Variants in ZNF429 observed in about 807,000 individuals in gnomAD.
ZNF429 encodes zinc finger protein 429.
A neutral mutation model predicts 56.8 loss-of-function variants in ZNF429; 53 were observed. That is an observed-to-expected ratio of 0.93 (90% CI 0.75 to 1.17). The LOEUF is 1.17. ZNF429 is among the 50% of genes most tolerant of loss of function. The probability of loss-of-function intolerance (pLI) is 0.00; values close to 1 mark genes in which losing one functional copy is unlikely to be tolerated. For synonymous variants in ZNF429, 278 were observed against 264.7 expected, an observed-to-expected ratio of 1.05 and a Z score of -0.49; for missense variants, 849 against 788.4, an observed-to-expected ratio of 1.08 and a Z score of -0.92.
chr19:21,525,749 C>T (rs1457901604), intron 1 of ZNF429, among the ~76,000 whole-genome samples: 1 of 77,394 alleles, frequency 1.3e-5, no homozygotes, highest in Non-Finnish European at 3.0e-5. Context: ...TAAATATAAA[C>T]ACAATAAAAA....
Position 21,537,771 on chromosome 19 carries a change from C to A in ZNF429, c.1718C>A (p.Ala573Asp), listed in dbSNP as rs751212978. Residue 573 changes from alanine to aspartate, a missense_variant, in exon 4 of 4, where the codon GCT becomes GAT. Ala to Asp is a moderately radical substitution (Grantham distance 126). Coordinates refer to ENST00000358491, the MANE Select transcript of ZNF429 (RefSeq NM_001001415.4). The part of the protein sequence containing the change: ...KPYKCKQCDK[A>D]FTHSSNLSSH... Reference sequence around the variant, plus strand: ...TACAAATGTAAACAATGTGACAAAGCTTTTACCCACTCCTCAAACCTTAGT... The same window carrying A: ...TACAAATGTAAACAATGTGACAAAGATTTTACCCACTCCTCAAACCTTAGT... The A allele has an allele frequency of 1.9e-6, 3 of 1,613,390 alleles. No individual in the cohort carries two copies. The Admixed American group carries it at 5.0e-5, about 27-fold the overall frequency.
chr19:21,529,757 G>A lies in ZNF429; in HGVS notation c.103G>A (p.Glu35Lys). The change falls in exon 2 of 4, where the codon GAG becomes AAG. Residue 35 changes from glutamate (E) to lysine (K), a missense_variant. Glu to Lys is a moderately conservative substitution (Grantham distance 56, BLOSUM62 1). Transcript: ENST00000358491. Reference sequence around the variant, plus strand: ...GAACTTATATAGAAATGTGATGTTAGAGAACTACAGAAACTTGGTCTTCCT... The same window carrying A: ...GAACTTATATAGAAATGTGATGTTAAAGAACTACAGAAACTTGGTCTTCCT... ...QQNLYRNVML[E>K]NYRNLVFLGI... 6.3e-7 allele frequency: 1 copy of A among 1,592,470 alleles called. No homozygotes were observed. Among genetic ancestry groups the A allele is most frequent in the East Asian group, 2.3e-5 (1 of 44,000 alleles).
In ZNF429 at chr19:21,535,321, TTCTTTC is replaced by T; in HGVS notation, c.227-953_227-948del. On this transcript the variant is annotated intron_variant, in intron 3 of 3. Transcript: ENST00000358491. The stretch of plus-strand genomic sequence containing the variant: ...CTTCTTTCTTTCTTTCTTTCTTTCT[TTCTTTC>T]TCTTTTCTTTTCTTTCCTTTCCTTT... 1.7e-3 allele frequency among the ~76,000 whole-genome samples: 226 copies of T among 135,150 alleles called. 18 individuals carry two copies. The highest frequency in any genetic ancestry group is 6.7e-3 in the African/African-American group (219 of 32,526). The allele number at this position is 135,150 out of a possible 152,430, so 88.7% of individuals were successfully genotyped here.
At chr19:21,532,671 A>G in intron 3 of ZNF429, among the ~76,000 whole-genome samples, 1 of 151,866 alleles carries the variant, frequency 6.6e-6, no homozygotes, top group South Asian at 2.1e-4. Context: ...TAAAAGCATA[A>G]GACAGAAGAT....
At chr19:21,509,544 A>C (rs1486920892) in intron 1 of ZNF429, among the ~76,000 whole-genome samples, 1 of 152,158 alleles carries the variant, frequency 6.6e-6, no homozygotes. Flanking sequence ...CCTGCAAAAG[A>C]AGGTTATTTA....
chr19:21,515,212 A>G (rs2032681929), intron 1 of ZNF429, among the ~76,000 whole-genome samples: 2 of 142,634 alleles, frequency 1.4e-5, no homozygotes, highest in East Asian at 2.1e-4. Context: ...AAGTGCTGGG[A>G]TTACAACTGT....
intron 3 of ZNF429, among the ~76,000 whole-genome samples, chr19:21,531,126 A>ACC: frequency 9.4e-6 from 1 of 106,032 alleles, no homozygotes; most frequent in African/African-American, 3.4e-5. Flanking sequence ...AAAAAAAAAA[A>ACC]AAACCAAAAA....
At chr19:21,528,301 T>C (rs1463638526) in intron 1 of ZNF429, among the ~76,000 whole-genome samples, 1 of 152,170 alleles carries the variant, frequency 6.6e-6, no homozygotes, top group African/African-American at 2.4e-5. Context: ...AATGCTTATT[T>C]AAACAGGATG....
In ZNF429 at chr19:21,535,327, C is replaced by CTTTCTTTCTTTCTTTCTTTCTT; in HGVS notation, c.227-952_227-951insTTCTTTCTTTCTTTCTTTCTTT. Among the ~76,000 whole-genome samples the CTTTCTTTCTTTCTTTCTTTCTT allele has an allele frequency of 1.9e-4, 22 of 116,298 alleles. 1 individual carries two copies. Among genetic ancestry groups the CTTTCTTTCTTTCTTTCTTTCTT allele is most frequent in the African/African-American group, 8.8e-4 (21 of 23,968 alleles). The allele number at this position is 116,298 out of a possible 152,430, so 76.3% of individuals were successfully genotyped here. A position where few individuals can be genotyped will look rare whatever the true frequency, so the allele number is the denominator to read the frequency against. ...TCTTTCTTTCTTTCTTTCTTTCTTT[C>CTTTCTTTCTTTCTTTCTTTCTT]TCTTTTCTTTTCTTTCCTTTCCTTT... On this transcript the variant is annotated intron_variant, in intron 3 of 3. Coordinates refer to ENST00000358491, the MANE Select transcript of ZNF429 (RefSeq NM_001001415.4).
rs2033806555 is a variant in ZNF429 at position 21,538,349 on chromosome 19, C to T, written c.*271C>T. On this transcript the variant is annotated 3_prime_UTR_variant, in exon 4 of 4. Coordinates refer to ENST00000358491, the MANE Select transcript of ZNF429 (RefSeq NM_001001415.4). ...ATGGTGGCTCATGCCTGCCTGTAAT[C>T]CCAGCACTTTGGGAGGCCGAGGCGG... 6.7e-6 allele frequency among the ~76,000 whole-genome samples: 1 copy of T among 149,212 alleles called. No homozygotes were observed. Among genetic ancestry groups the T allele is most frequent in the African/African-American group, 2.5e-5 (1 of 40,474 alleles).
intron 1 of ZNF429, among the ~76,000 whole-genome samples, chr19:21,518,284 T>C (rs923864789): frequency 1.3e-5 from 2 of 152,224 alleles, no homozygotes; most frequent in Admixed American, 6.5e-5. Context: ...GCTTCTCTTA[T>C]ACTTTTATTT....
intron 1 of ZNF429, among the ~76,000 whole-genome samples, chr19:21,515,130 A>C (rs1337836184): frequency 6.8e-6 from 1 of 146,806 alleles, no homozygotes; most frequent in African/African-American, 2.5e-5. Flanking sequence ...TAGTAGAGAC[A>C]GGGTTTCTCC....
chr19:21,531,336 C>T, intron 3 of ZNF429, among the ~76,000 whole-genome samples: 1 of 152,058 alleles, frequency 6.6e-6, no homozygotes, highest in Non-Finnish European at 1.5e-5. Flanking sequence ...GGCATCTCAG[C>T]ACCCTGGGGA....
intron 1 of ZNF429, 191 bp downstream of exon 1, chr19:21,505,965 G>A: frequency 5.7e-6 from 3 of 529,628 alleles, no homozygotes; most frequent in Non-Finnish European, 6.9e-6. Context: ...GGCCCCGGGC[G>A]TCCTGTCTTC....
rs769774195 is a variant in ZNF429, at chr19:21,536,614, A to G, written c.561A>G (p.Gln187=). 2 of 1,613,602 alleles carry G rather than the reference A, an allele frequency of 1.2e-6. No individual in the cohort carries two copies. Among genetic ancestry groups the G allele is most frequent in the Admixed American group, 1.7e-5 (1 of 59,914 alleles). The change falls in exon 4 of 4, where the codon CAA becomes CAG. Residue 187 remains glutamine, a synonymous_variant. Transcript: ENST00000358491. ...KCGKSFCMLS[Q]LTQHKKIHIR... is the part of the protein sequence containing the mutation. ...GCAAATCATTTTGCATGCTTTCACA[A>G]CTAACTCAACATAAGAAAATTCATA...
At position 21,537,504 on chromosome 19, in the gene ZNF429, A is replaced by C; in HGVS notation, c.1451A>C (p.Glu484Ala). Residue 484 changes from glutamate to alanine, a missense_variant, in exon 4 of 4, where the codon GAA becomes GCA. Transcript: ENST00000358491. ...IHTGEKPYKC[E>A]ECGKAFKQSS... ...ACTGGAGAGAAACCCTACAAATGTG[A>C]AGAATGTGGCAAAGCCTTTAAGCAG... The C allele has an allele frequency of 6.2e-7, 1 of 1,613,912 alleles. No homozygotes were observed.
rs185524648 is a variant in ZNF429, at chr19:21,512,398, C to T, written c.3+6624C>T. The stretch of plus-strand genomic sequence containing the variant: ...TAGAATGCCTTAACTGTGGGCCATG[C>T]GCGGTAATTTCAGCACTTTGGAAGG... On this transcript the variant is annotated intron_variant, in intron 1 of 3. Transcript: ENST00000358491. Among the ~76,000 whole-genome samples the T allele has an allele frequency of 5.1e-4, 78 of 151,892 alleles. 3 individuals carry two copies. The highest frequency in any genetic ancestry group is 4.3e-3 in the Admixed American group (66 of 15,240).
chr19:21,520,642 G>A (rs1055029293), intron 1 of ZNF429, among the ~76,000 whole-genome samples: 1 of 152,048 alleles, frequency 6.6e-6, no homozygotes, highest in African/African-American at 2.4e-5. Flanking sequence ...CATTTTAAGA[G>A]TACACAAAAG....
chr19:21,507,504 C>A (rs1296939575), intron 1 of ZNF429: 2 of 152,110 alleles, frequency 1.3e-5, no homozygotes, highest in Non-Finnish European at 2.9e-5. Flanking sequence ...GTCTCTTTTC[C>A]TTTTATCTTC....
Sources: gnomAD v4.1 joint callset for allele counts (sites outside exome capture counted in the v4.1 genomes callset) on GRCh38, gnomAD v4.1.1 for gene constraint, MANE v1.5 for transcripts, NCBI Gene and HGNC (gene_info 2026-07-23, HGNC 2026-07-21) for gene names.